The following IL1RAPL1 variants were observed in gnomAD, a reference collection of about 807,000 sequenced individuals.
IL1RAPL1 encodes the protein interleukin 1 receptor accessory protein like 1, also known as interleukin-1 receptor accessory protein-like 1.
In IL1RAPL1, 3 loss-of-function variants were observed where a neutral mutation model predicts 48.4. The ratio of observed to expected loss-of-function variants is 0.06; its 90% CI spans 0.03 to 0.16. IL1RAPL1 has a LOEUF of 0.16. Ranked by LOEUF, IL1RAPL1 falls within the 10% of genes least tolerant of loss-of-function variation. IL1RAPL1 has a pLI of 1.00. For missense variants in IL1RAPL1, 349 were observed against 530.6 expected (o/e 0.66, Z 3.36); for synonymous variants, 185 against 187.7 (o/e 0.99, Z 0.12).
At chrX:29,908,295 G>C (rs1382201371) in intron 6 of IL1RAPL1, among the ~76,000 whole-genome samples, 1 of 109,525 alleles carries the variant, frequency 9.1e-6, no homozygotes, top group Non-Finnish European at 1.9e-5. Flanking sequence ...TGTAATCACA[G>C]CTACTCAGGA....
chrX:29,368,940 T>TTGCTGCTGCTGC (rs749299402), intron 3 of IL1RAPL1: 1 of 120,037 alleles, frequency 8.3e-6, no homozygotes, highest in East Asian at 2.6e-4. Flanking sequence ...CTATCTTCTG[T>TTGCTGCTGCTGC]TGCTGCTGCT....
At chrX:29,474,085 G>T (rs1418196869) in intron 5 of IL1RAPL1, among the ~76,000 whole-genome samples, 1 of 111,535 alleles carries the variant, frequency 9.0e-6, no homozygotes, top group Non-Finnish European at 1.9e-5. Context: ...TTTTCATCAG[G>T]TGTTCTATTC....
At chrX:29,670,604 G>T (rs1926115207) in intron 6 of IL1RAPL1, among the ~76,000 whole-genome samples, 1 of 111,882 alleles carries the variant, frequency 8.9e-6, no homozygotes, top group Non-Finnish European at 1.9e-5. Context: ...TGCTAGCATT[G>T]CTAGTAAGTA....
intron 2 of IL1RAPL1, among the ~76,000 whole-genome samples, chrX:29,095,298 T>A (rs1928190552): frequency 9.0e-6 from 1 of 111,661 alleles, no homozygotes; most frequent in Non-Finnish European, 1.9e-5. Context: ...AAGGCAATTC[T>A]TACTATATTA....
intron 2 of IL1RAPL1, among the ~76,000 whole-genome samples, chrX:29,129,114 G>A (rs948359946): frequency 2.1e-4 from 22 of 102,947 alleles, no homozygotes; most frequent in Non-Finnish European, 5.9e-5. Flanking sequence ...CACCATCTAG[G>A]CTCACCGCGA....
At chrX:29,574,426 G>A (rs1326558072) in intron 5 of IL1RAPL1, 3 of 109,399 alleles carry the variant, frequency 2.7e-5, no homozygotes, top group Admixed American at 9.7e-5. Context: ...TTCTCACATG[G>A]CAAAATACAA....
chrX:29,020,977 G>A (rs1182109476), intron 2 of IL1RAPL1, among the ~76,000 whole-genome samples: 1 of 110,756 alleles, frequency 9.0e-6, no homozygotes, highest in Non-Finnish European at 1.9e-5. Context: ...TGTAATCCCA[G>A]CACTTTGGGA....
chrX:29,346,739 A>C lies in IL1RAPL1; in HGVS notation c.363-49519A>C, dbSNP rs140088181. ...TCCTCTTGATCCAGGGAGCTAATTG[A>C]TTTTGTGAATTACATTTCTCAGGGT... On this transcript the variant is annotated intron_variant, in intron 3 of 10. Coordinates refer to ENST00000378993, the MANE Select transcript of IL1RAPL1 (RefSeq NM_014271.4). Among the ~76,000 whole-genome samples, 1,054 of 112,161 alleles carry C rather than the reference A, an allele frequency of 9.4e-3. 13 individuals are homozygous for C. Among genetic ancestry groups the C allele is most frequent in the African/African-American group, 0.032 (999 of 30,853 alleles).
At chrX:29,489,058 G>A (rs1314819301) in intron 5 of IL1RAPL1, among the ~76,000 whole-genome samples, 1 of 111,561 alleles carries the variant, frequency 9.0e-6, no homozygotes. Context: ...TTTTCCAGCT[G>A]TAGTCTATTT....
chrX:28,814,954 T>C (rs1936844313), intron 2 of IL1RAPL1, among the ~76,000 whole-genome samples: 1 of 110,521 alleles, frequency 9.0e-6, no homozygotes, highest in Non-Finnish European at 1.9e-5. Flanking sequence ...GCTGGTACTT[T>C]ATAATACAGT....
At chrX:29,328,208 AT>A (rs765771474) in intron 3 of IL1RAPL1, among the ~76,000 whole-genome samples, 2 of 111,965 alleles carry the variant, frequency 1.8e-5, no homozygotes, top group East Asian at 2.8e-4. Context: ...TTACTTTTGT[AT>A]AGGTTATGTG....
intron 1 of IL1RAPL1, among the ~76,000 whole-genome samples, chrX:28,608,587 T>C (rs1934111785): frequency 8.9e-6 from 1 of 112,104 alleles, no homozygotes; most frequent in African/African-American, 3.2e-5. Flanking sequence ...TTACCCACTT[T>C]ATTGCAGCAA....
At chrX:29,257,385 G>C (rs189152910) in intron 2 of IL1RAPL1, among the ~76,000 whole-genome samples, 21 of 111,532 alleles carry the variant, frequency 1.9e-4, no homozygotes, top group African/African-American at 5.5e-4. Flanking sequence ...TGAAGTTGTT[G>C]CATTTATCTA....
chrX:29,315,439 C>T (rs1389658732), intron 3 of IL1RAPL1, among the ~76,000 whole-genome samples: 8 of 111,368 alleles, frequency 7.2e-5, no homozygotes, highest in Admixed American at 1.9e-4. Flanking sequence ...AAATTGCCTC[C>T]GTCTTGCTCA....
intron 2 of IL1RAPL1, among the ~76,000 whole-genome samples, chrX:29,238,434 A>G (rs184432900): frequency 1.1e-3 from 123 of 112,058 alleles, no homozygotes; most frequent in African/African-American, 3.7e-3. Flanking sequence ...CCTATTGATT[A>G]TTATAATTCT....
intron 2 of IL1RAPL1, among the ~76,000 whole-genome samples, chrX:29,150,060 A>G (rs1470547361): frequency 8.9e-6 from 1 of 111,969 alleles, no homozygotes; most frequent in African/African-American, 3.2e-5. Flanking sequence ...TTTGACCATC[A>G]TTTAGAAAGG....
intron 5 of IL1RAPL1, among the ~76,000 whole-genome samples, chrX:29,615,831 G>A (rs1460017043): frequency 8.9e-6 from 1 of 111,793 alleles, no homozygotes; most frequent in Non-Finnish European, 1.9e-5. Context: ...TATAGTCAAA[G>A]CACTGTAGAA....
chrX:28,600,941 A>G (rs1480176663), intron 1 of IL1RAPL1, among the ~76,000 whole-genome samples: 1 of 112,005 alleles, frequency 8.9e-6, no homozygotes, highest in Non-Finnish European at 1.9e-5. Context: ...GCTTTCTTCA[A>G]CCCTAGTGAG....
chrX:28,728,177 G>C (rs1050705056), intron 1 of IL1RAPL1, among the ~76,000 whole-genome samples: 1 of 111,888 alleles, frequency 8.9e-6, no homozygotes, highest in Non-Finnish European at 1.9e-5. Flanking sequence ...CATAAATTCA[G>C]ATAACACTGT....
Sources: allele counts gnomAD v4.1 joint callset (sites outside exome capture counted in the v4.1 genomes callset), GRCh38; gene constraint gnomAD v4.1.1; transcripts MANE v1.5; gene names NCBI Gene and HGNC (gene_info 2026-07-23, HGNC 2026-07-21).